The following NPAS3 variants were observed in gnomAD, a reference collection of about 807,000 sequenced individuals.
The protein encoded by NPAS3 is neuronal PAS domain protein 3, also known as neuronal PAS domain-containing protein 3.
NPAS3 carries 14 observed loss-of-function variants against 73.1 expected under a neutral mutation model. The observed-to-expected ratio is 0.19, with a 90% CI of 0.13 to 0.30. The LOEUF (loss-of-function observed/expected upper bound fraction) is 0.30, where lower values mean the gene tolerates loss of function less well. Ranked by LOEUF, NPAS3 falls within the 10% of genes least tolerant of loss-of-function variation. NPAS3 has a pLI of 1.00. For synonymous variants in NPAS3, 620 were observed against 541.5 expected, an observed-to-expected ratio of 1.14 and a Z score of -2.01; for missense variants, 1,096 against 1,250.0, an observed-to-expected ratio of 0.88 and a Z score of 1.86.
intron 2 of NPAS3, among the ~76,000 whole-genome samples, chr14:33,076,261 G>C (rs2184623): frequency 0.099 from 15,019 of 152,196 alleles, 1,275 homozygotes; most frequent in African/African-American, 0.23. Flanking sequence ...GAAATTCTGT[G>C]TAAGGAAGTA....
At position 33,653,616 on chromosome 14, in the gene NPAS3, G is replaced by A. The variant is rs140190401; in HGVS notation, c.559-22595G>A. Reference sequence around the variant, plus strand: ...AATTAATATGATTTGCATGAATTCTGTTTCTCTCTTTCTGTCAGAGATTAG... The same window carrying A: ...AATTAATATGATTTGCATGAATTCTATTTCTCTCTTTCTGTCAGAGATTAG... On this transcript the variant is annotated intron_variant, in intron 5 of 11. Coordinates refer to ENST00000356141, the Ensembl canonical transcript of NPAS3. Among the ~76,000 whole-genome samples the A allele has an allele frequency of 6.5e-3, 984 of 152,286 alleles. 7 individuals carry two copies. Among genetic ancestry groups the A allele is most frequent in the South Asian group, 0.015 (71 of 4,826 alleles).
rs764818362 is a variant in NPAS3 at position 33,800,360 on chromosome 14, C to G, written c.2053C>G (p.Pro685Ala). The change falls in exon 12 of 12, where the codon CCC becomes GCC. Residue 685 changes from proline (P) to alanine (A), a missense_variant. This residue lies in a region of NPAS3 where 698 missense variants were observed against 676.7 expected (regional missense o/e 1.03). Coordinates refer to ENST00000356141, the Ensembl canonical transcript of NPAS3. The surrounding 1 kb of genome is among the most constrained non-coding windows in gnomAD (Gnocchi z 6.5). The stretch of plus-strand genomic sequence containing the variant: ...CGAGTCCCCCTACAGCATGACCAAG[C>G]CCCCCAGCTCTGAGCACTTCCCGTC... The G allele has an allele frequency of 1.9e-6, 3 of 1,611,634 alleles. No homozygotes were observed. Among genetic ancestry groups the G allele is most frequent in the African/African-American group, 1.3e-5 (1 of 74,814 alleles).
At chr14:33,435,671 C>T (rs1030150571) in intron 4 of NPAS3, among the ~76,000 whole-genome samples, 1 of 152,136 alleles carries the variant, frequency 6.6e-6, no homozygotes, top group Non-Finnish European at 1.5e-5. Flanking sequence ...GGCCCTGGGA[C>T]TACATAAATT....
chr14:33,037,399 A>G (rs964494830), intron 1 of NPAS3, among the ~76,000 whole-genome samples: 4 of 151,636 alleles, frequency 2.6e-5, no homozygotes, highest in Non-Finnish European at 4.4e-5. Flanking sequence ...CATCTCAGCA[A>G]TTTGGGAGGC....
chr14:33,500,071 A>G (rs996454229), intron 4 of NPAS3, among the ~76,000 whole-genome samples: 2 of 151,946 alleles, frequency 1.3e-5, no homozygotes, highest in African/African-American at 2.4e-5. Context: ...CTTTAGGGTC[A>G]GAGTACCCTA....
Position 33,722,751 on chromosome 14 carries a change from T to C in NPAS3, c.734-12463T>C, listed in dbSNP as rs546723621. On this transcript the variant is annotated intron_variant, in intron 6 of 11. Coordinates refer to ENST00000356141, the Ensembl canonical transcript of NPAS3. The stretch of plus-strand genomic sequence containing the variant: ...ATTGGGTTATCTCTCATTTCTGGCT[T>C]CTCTAAATTATTACAAAGTATAAAT... Among the ~76,000 whole-genome samples the C allele has an allele frequency of 8.5e-5, 13 of 152,288 alleles. No individual in the cohort carries two copies. In the East Asian group the frequency reaches 1.3e-3, roughly 16 times the overall value.
intron 4 of NPAS3, among the ~76,000 whole-genome samples, chr14:33,375,325 T>G (rs1211289739): frequency 6.6e-6 from 1 of 152,174 alleles, no homozygotes; most frequent in Non-Finnish European, 1.5e-5. Context: ...TCTACAGGGA[T>G]TTTTCATTAC....
At chr14:32,953,412 A>G (rs911867172) in intron 1 of NPAS3, among the ~76,000 whole-genome samples, 5 of 152,140 alleles carry the variant, frequency 3.3e-5, no homozygotes, top group Non-Finnish European at 7.4e-5. Flanking sequence ...CGAGGTCACA[A>G]AGACTTTCAG....
chr14:32,937,494 C>T (rs1209599322), upstream of NPAS3, among the ~76,000 whole-genome samples: 2 of 151,954 alleles, frequency 1.3e-5, no homozygotes, highest in African/African-American at 4.8e-5. Flanking sequence ...CTCTGCCAGC[C>T]CATGTATATC....
chr14:33,301,553 G>A (rs957790871), intron 3 of NPAS3, among the ~76,000 whole-genome samples: 6 of 151,868 alleles, frequency 4.0e-5, no homozygotes, highest in African/African-American at 1.2e-4. Flanking sequence ...CCAAAGCTAA[G>A]CGTAGTGGGT....
At chr14:33,368,310 T>TAAA (rs66579296) in intron 4 of NPAS3, among the ~76,000 whole-genome samples, 22,094 of 144,806 alleles carry the variant, frequency 0.15, 2,047 homozygotes, top group East Asian at 0.33. Context: ...GATTCTGCGT[T>TAAA]AAAAAAAAAA....
intron 4 of NPAS3, among the ~76,000 whole-genome samples, chr14:33,401,978 C>T (rs1336813903): frequency 6.6e-6 from 1 of 152,064 alleles, no homozygotes; most frequent in East Asian, 1.9e-4. Flanking sequence ...GAAATTGTAA[C>T]TTATCTTCCT....
intron 4 of NPAS3, among the ~76,000 whole-genome samples, chr14:33,387,322 C>T (rs1173765530): frequency 6.6e-6 from 1 of 152,008 alleles, no homozygotes; most frequent in African/African-American, 2.4e-5. Flanking sequence ...TGGCACTGGG[C>T]CCTAGTGAAG....
rs60778845 is a variant in NPAS3 at position 33,236,578 on chromosome 14, T to G, written c.385+21152T>G. 7.9e-3 allele frequency among the ~76,000 whole-genome samples: 1,202 copies of G among 152,166 alleles called. 10 individuals are homozygous for G. The highest frequency in any genetic ancestry group is 0.028 in the African/African-American group (1,150 of 41,526). On this transcript the variant is annotated intron_variant, in intron 3 of 11. Transcript: ENST00000356141. ...ATCAGGTGCAGTGTGAGTTGCTTAT[T>G]AAACTAAAGAACAACCCTAGCCTGG...
At chr14:33,424,918 G>A (rs1229286259) in intron 4 of NPAS3, among the ~76,000 whole-genome samples, 1 of 151,980 alleles carries the variant, frequency 6.6e-6, no homozygotes, top group Non-Finnish European at 1.5e-5. Flanking sequence ...TCTGGGTAAG[G>A]TTGAAGGACT....
At chr14:33,058,018 A>G (rs1277458525) in intron 2 of NPAS3, among the ~76,000 whole-genome samples, 1 of 152,184 alleles carries the variant, frequency 6.6e-6, no homozygotes, top group Non-Finnish European at 1.5e-5. Flanking sequence ...TCTGTTTATT[A>G]GAAAGCTGGT....
chr14:33,004,292 G>A lies in NPAS3; in HGVS notation c.51-51613G>A, dbSNP rs2038911528. 2.6e-5 allele frequency among the ~76,000 whole-genome samples: 4 copies of A among 152,150 alleles called. No homozygotes were observed. The South Asian group carries it at 8.3e-4, about 31-fold the overall frequency. ...CATTTACACAAACCTAGATGATATAGCCTGCTACACACTAGGATATATGGT... is the reference window on the plus strand; with the variant it reads ...CATTTACACAAACCTAGATGATATAACCTGCTACACACTAGGATATATGGT... On this transcript the variant is annotated intron_variant, in intron 1 of 11. Transcript: ENST00000356141.
intron 2 of NPAS3, among the ~76,000 whole-genome samples, chr14:33,115,740 G>GATTT (rs2043042117): frequency 6.6e-6 from 1 of 152,060 alleles, no homozygotes; most frequent in African/African-American, 2.4e-5. Context: ...ATCCATCAGG[G>GATTT]ATTTGTTTTG....
chr14:33,453,168 G>T (rs1044582750), intron 4 of NPAS3, among the ~76,000 whole-genome samples: 1 of 152,168 alleles, frequency 6.6e-6, no homozygotes, highest in Admixed American at 6.5e-5. Context: ...GCTCAGTGAG[G>T]TGAAGAGTGC....
Sources: allele counts gnomAD v4.1 joint callset (sites outside exome capture counted in the v4.1 genomes callset), GRCh38; gene constraint gnomAD v4.1.1; regional missense constraint gnomAD v4.1.1; non-coding constraint Gnocchi (gnomAD v3.1); transcripts MANE v1.5; gene names NCBI Gene and HGNC (gene_info 2026-07-23, HGNC 2026-07-21).